STAC: variants seen among roughly 807,000 people sequenced by gnomAD.
STAC encodes the protein SH3 and cysteine-rich domain-containing protein.
Under a neutral mutation model 48.8 loss-of-function variants are expected in STAC, and 43 were observed. The observed-to-expected ratio is 0.88, with a 90% confidence interval of 0.69 to 1.14. STAC has a LOEUF of 1.14. Among genes scored for constraint, STAC ranks in the 50% most tolerant of loss-of-function variants. STAC has a pLI of 0.00. For synonymous variants in STAC, 193 were observed against 179.5 expected, an observed-to-expected ratio of 1.07 and a Z score of -0.60; for missense variants, 497 against 504.0, an observed-to-expected ratio of 0.99 and a Z score of 0.13.
At chr3:36,387,713 C>T (rs1018984012) in intron 1 of STAC, among the ~76,000 whole-genome samples, 2 of 151,966 alleles carry the variant, frequency 1.3e-5, no homozygotes, top group Admixed American at 1.3e-4. Context: ...ATATATACTA[C>T]ATTTTGTTTA....
At chr3:36,474,048 G>A (rs978027649) in intron 2 of STAC, among the ~76,000 whole-genome samples, 1 of 152,118 alleles carries the variant, frequency 6.6e-6, no homozygotes, top group Non-Finnish European at 1.5e-5. Flanking sequence ...CTTAGCAATA[G>A]CGTGTGCATG....
intron 2 of STAC, among the ~76,000 whole-genome samples, chr3:36,450,487 T>C: frequency 6.6e-6 from 1 of 152,138 alleles, no homozygotes; most frequent in Non-Finnish European, 1.5e-5. Context: ...TGCACAAAGG[T>C]CATAATAAGG....
chr3:36,502,170 A>G (rs1698296352), intron 6 of STAC, among the ~76,000 whole-genome samples: 1 of 152,206 alleles, frequency 6.6e-6, no homozygotes, highest in Non-Finnish European at 1.5e-5. Context: ...GGTAAGAACT[A>G]AAGGTTCATT....
chr3:36,505,381 A>G (rs370503808), intron 7 of STAC, among the ~76,000 whole-genome samples: 1 of 152,224 alleles, frequency 6.6e-6, no homozygotes, highest in African/African-American at 2.4e-5. Context: ...AGTGAGAGTT[A>G]TACACTACTA....
intron 2 of STAC, among the ~76,000 whole-genome samples, chr3:36,455,181 T>C (rs1696816193): frequency 6.6e-6 from 1 of 152,246 alleles, no homozygotes; most frequent in Non-Finnish European, 1.5e-5. Flanking sequence ...ATATTCTGAA[T>C]ACATATTTTC....
At chr3:36,383,634 A>C (rs1000019737) in intron 1 of STAC, among the ~76,000 whole-genome samples, 4 of 152,210 alleles carry the variant, frequency 2.6e-5, no homozygotes, top group African/African-American at 9.7e-5. Context: ...GTTTTAAGCT[A>C]AGGGCCACTA....
In STAC at chr3:36,494,111, C is replaced by G. The variant is rs974180128; in HGVS notation, c.766+882C>G. 1.7e-4 allele frequency among the ~76,000 whole-genome samples: 24 copies of G among 139,042 alleles called. 1 individual carries two copies. In the East Asian group the frequency reaches 4.1e-3, roughly 24 times the overall value. 91.2% of individuals were successfully genotyped at this position (139,042 alleles called of 152,430 possible). On this transcript the variant is annotated intron_variant, in intron 6 of 10. Coordinates refer to ENST00000273183, the MANE Select transcript of STAC (RefSeq NM_003149.3). Reference sequence around the variant, plus strand: ...AGCTTGCAGTGAGCCGAGATCGCGCCACTGCACTCCCGCCTGGGCCACAGA... The same window carrying G: ...AGCTTGCAGTGAGCCGAGATCGCGCGACTGCACTCCCGCCTGGGCCACAGA...
At chr3:36,418,284 A>G (rs1700364358) in intron 1 of STAC, among the ~76,000 whole-genome samples, 1 of 152,186 alleles carries the variant, frequency 6.6e-6, no homozygotes, top group Admixed American at 6.5e-5. Flanking sequence ...CTTAAATACA[A>G]CTATGATTGT....
chr3:36,492,032 ATATATATATAT>A (rs1205475019), intron 5 of STAC, among the ~76,000 whole-genome samples: 7 of 10,526 alleles, frequency 6.7e-4, no homozygotes, highest in Non-Finnish European at 9.9e-4. Context: ...AAAAAAAAAA[ATATATATATAT>A]ATATATATAT....
chr3:36,460,768 G>C (rs2125683326), intron 2 of STAC, among the ~76,000 whole-genome samples: 1 of 152,128 alleles, frequency 6.6e-6, no homozygotes, highest in South Asian at 2.1e-4. Flanking sequence ...AACTAATATG[G>C]TTAAAAGTCC....
In STAC at chr3:36,514,349, G is replaced by A. The variant is rs555853900; in HGVS notation, c.920+8515G>A. Among the ~76,000 whole-genome samples, 24 of 149,518 alleles carry A rather than the reference G, an allele frequency of 1.6e-4. No homozygotes were observed. In the East Asian group the frequency reaches 4.8e-3, roughly 30 times the overall value. The stretch of plus-strand genomic sequence containing the variant: ...AACACACACATTCACACACACACAG[G>A]CACACTCTTCCAGTTGACTCTGATT... On this transcript the variant is annotated intron_variant, in intron 8 of 10. Coordinates refer to ENST00000273183, the MANE Select transcript of STAC (RefSeq NM_003149.3).
chr3:36,457,166 C>A (rs1696877924), intron 2 of STAC, among the ~76,000 whole-genome samples: 1 of 152,304 alleles, frequency 6.6e-6, no homozygotes, highest in East Asian at 1.9e-4. Flanking sequence ...AACAGTGCCA[C>A]AGGTGATCAT....
chr3:36,421,340 CT>C (rs1442855687), intron 1 of STAC, among the ~76,000 whole-genome samples: 1 of 151,770 alleles, frequency 6.6e-6, no homozygotes, highest in Non-Finnish European at 1.5e-5. Flanking sequence ...CATATTGTAC[CT>C]TTTAAAATAA....
intron 1 of STAC, among the ~76,000 whole-genome samples, chr3:36,434,075 T>C (rs983162284): frequency 6.6e-6 from 1 of 152,194 alleles, no homozygotes; most frequent in African/African-American, 2.4e-5. Context: ...CCCCCAATGC[T>C]CACTCTCTGC....
intron 2 of STAC, among the ~76,000 whole-genome samples, chr3:36,479,589 C>G (rs948338676): frequency 6.6e-6 from 1 of 152,158 alleles, no homozygotes; most frequent in African/African-American, 2.4e-5. Flanking sequence ...GGTATTTAAA[C>G]CCATGCAATC....
At chr3:36,385,677 C>G (rs1480738909) in intron 1 of STAC, among the ~76,000 whole-genome samples, 1 of 152,056 alleles carries the variant, frequency 6.6e-6, no homozygotes, top group Non-Finnish European at 1.5e-5. Context: ...CACTAACCTC[C>G]TAAAGGTAAA....
Position 36,435,161 on chromosome 3 carries a change from C to T in STAC, c.112-8203C>T, listed in dbSNP as rs75416095. ...GCTACCTTCCCATCCTACCACGGTA[C>T]ATTACTCTAGTCCATTCACCCTCCC... On this transcript the variant is annotated intron_variant, in intron 1 of 10. Coordinates refer to ENST00000273183, the MANE Select transcript of STAC (RefSeq NM_003149.3). 8.6e-3 allele frequency among the ~76,000 whole-genome samples: 1,303 copies of T among 152,270 alleles called. 12 individuals are homozygous for T. The highest frequency in any genetic ancestry group is 0.014 in the Non-Finnish European group (939 of 68,010).
chr3:36,493,303 C>T (rs1698043953), intron 6 of STAC, 74 bp downstream of exon 6: 1 of 1,406,968 alleles, frequency 7.1e-7, no homozygotes, highest in African/African-American at 1.4e-5. Context: ...AGTTGATTTC[C>T]AGTCCCCTTG....
chr3:36,511,956 G>A (rs998921014), intron 8 of STAC, among the ~76,000 whole-genome samples: 15 of 152,136 alleles, frequency 9.9e-5, no homozygotes, highest in Non-Finnish European at 1.8e-4. Flanking sequence ...AGACATCATA[G>A]CAGATTTATT....
Sources: allele counts gnomAD v4.1 joint callset (sites outside exome capture counted in the v4.1 genomes callset), GRCh38; gene constraint gnomAD v4.1.1; transcripts MANE v1.5; gene names NCBI Gene and HGNC (gene_info 2026-07-23, HGNC 2026-07-21).